MYT1L: variants seen among roughly 807,000 people sequenced by gnomAD.
The protein encoded by MYT1L is myelin transcription factor 1 like.
In MYT1L, 12 loss-of-function variants were observed where a neutral mutation model predicts 126.7. The observed-to-expected ratio is 0.09, with a 90% CI of 0.06 to 0.15. The LOEUF (loss-of-function observed/expected upper bound fraction) is 0.15, where lower values mean the gene tolerates loss of function less well. Ranked by LOEUF, MYT1L falls within the 10% of genes least tolerant of loss-of-function variation. The pLI is 1.00. For synonymous variants in MYT1L, 541 were observed against 604.2 expected, an observed-to-expected ratio of 0.90 and a Z score of 1.53; for missense variants, 979 against 1,585.2, an observed-to-expected ratio of 0.62 and a Z score of 6.49.
chr2:2,043,070 C>T (rs934826919), intron 4 of MYT1L, among the ~76,000 whole-genome samples: 8 of 152,162 alleles, frequency 5.3e-5, no homozygotes, highest in Non-Finnish European at 1.0e-4. Context: ...AAGCGACACC[C>T]TGATGTGGCC....
intron 3 of MYT1L, among the ~76,000 whole-genome samples, chr2:2,158,557 T>C (rs1396699957): frequency 2.0e-5 from 3 of 152,094 alleles, no homozygotes; most frequent in Non-Finnish European, 2.9e-5. Flanking sequence ...ATGCAATTCA[T>C]ATCGGCACAT....
chr2:2,163,506 A>G (rs1206750435), intron 3 of MYT1L, among the ~76,000 whole-genome samples: 2 of 151,838 alleles, frequency 1.3e-5, no homozygotes, highest in Non-Finnish European at 2.9e-5. Flanking sequence ...CGGGTGGATC[A>G]TGAGGTCAGG....
At chr2:2,043,825 T>C (rs983068486) in intron 4 of MYT1L, among the ~76,000 whole-genome samples, 16 of 152,370 alleles carry the variant, frequency 1.1e-4, no homozygotes, top group Middle Eastern at 3.4e-3. Context: ...TCTCAAATTG[T>C]TCATACCATG....
chr2:2,302,055 T>C (rs866980848), intron 1 of MYT1L, among the ~76,000 whole-genome samples: 3 of 152,106 alleles, frequency 2.0e-5, no homozygotes, highest in Non-Finnish European at 4.4e-5. Context: ...ATTCCAAAAT[T>C]GATATCCACA....
chr2:1,889,518 T>C lies in MYT1L; in HGVS notation c.2284-41A>G, dbSNP rs768710040. On this transcript the variant is annotated intron_variant, in intron 15 of 24. Coordinates refer to ENST00000647738, the MANE Select transcript of MYT1L (RefSeq NM_001303052.2). The surrounding 1 kb of genome is among the most constrained non-coding windows in gnomAD (Gnocchi z 4.1). Reference sequence around the variant, plus strand: ...CATAGTGACTGTGCTTGGCCCGGCATCTTGTGACACCACGAGTCCTTCCTC... The same window carrying C: ...CATAGTGACTGTGCTTGGCCCGGCACCTTGTGACACCACGAGTCCTTCCTC... The C allele has an allele frequency of 1.3e-6, 2 of 1,485,372 alleles. No homozygotes were observed. Among genetic ancestry groups the C allele is most frequent in the Admixed American group, 3.8e-5 (2 of 52,156 alleles). The allele number at this position is 1,485,372 out of a possible 1,614,324, so 92.0% of individuals were successfully genotyped here. A position where few individuals can be genotyped will look rare whatever the true frequency, so the allele number is the denominator to read the frequency against.
chr2:2,222,369 G>A lies in MYT1L; in HGVS notation c.-420-49381C>T, dbSNP rs918205255. On this transcript the variant is annotated intron_variant, in intron 2 of 24. Coordinates refer to ENST00000647738, the MANE Select transcript of MYT1L (RefSeq NM_001303052.2). ...TAGCCAGGTGTGGTGGAGGGCACCC[G>A]TGATCCCAGCTACTTGGGAGGCTGA... is the stretch of plus-strand genomic sequence containing the variant. 7.2e-5 allele frequency among the ~76,000 whole-genome samples: 11 copies of A among 151,940 alleles called. 1 individual carries two copies. In the South Asian group the frequency reaches 1.0e-3, roughly 14 times the overall value.
intron 14 of MYT1L, among the ~76,000 whole-genome samples, chr2:1,895,439 C>A (rs755747494): frequency 3.3e-5 from 5 of 152,230 alleles, no homozygotes; most frequent in Non-Finnish European, 7.3e-5. Flanking sequence ...AGAGGTTACA[C>A]TCTACCTGAC....
intron 1 of MYT1L, among the ~76,000 whole-genome samples, chr2:2,302,373 G>A (rs191519050): frequency 5.3e-4 from 80 of 152,302 alleles, no homozygotes; most frequent in African/African-American, 1.9e-3. Flanking sequence ...AGAAGTGATC[G>A]TATGATTTTG....
chr2:2,269,468 C>T (rs1035804967), intron 2 of MYT1L, among the ~76,000 whole-genome samples: 4 of 152,186 alleles, frequency 2.6e-5, no homozygotes, highest in Non-Finnish European at 5.9e-5. Flanking sequence ...CAGGAGGTAA[C>T]GGATGTGAGT....
chr2:1,959,913 G>T (rs770974068), intron 8 of MYT1L, among the ~76,000 whole-genome samples: 14 of 152,186 alleles, frequency 9.2e-5, no homozygotes, highest in South Asian at 6.2e-4. Context: ...GATAGAAGAA[G>T]ACCTAGTGCC....
intron 2 of MYT1L, among the ~76,000 whole-genome samples, chr2:2,269,319 A>C (rs2095211749): frequency 6.6e-6 from 1 of 152,190 alleles, no homozygotes; most frequent in Non-Finnish European, 1.5e-5. Context: ...TTCTCTGGAC[A>C]TGGTGGTTTA....
intron 2 of MYT1L, among the ~76,000 whole-genome samples, chr2:2,251,884 G>T (rs1389776317): frequency 1.4e-5 from 2 of 148,080 alleles, no homozygotes; most frequent in African/African-American, 5.0e-5. Flanking sequence ...GAGAAAGAAA[G>T]AAGAACGAAA....
At chr2:1,877,815 G>A (rs1231401689) in intron 18 of MYT1L, among the ~76,000 whole-genome samples, 1 of 138,966 alleles carries the variant, frequency 7.2e-6, no homozygotes. Context: ...AAAAATGCAT[G>A]ATAATGACAT....
At chr2:1,798,635 T>A (rs1367994224) in intron 23 of MYT1L, among the ~76,000 whole-genome samples, 1 of 152,040 alleles carries the variant, frequency 6.6e-6, no homozygotes, top group Non-Finnish European at 1.5e-5. Context: ...TGGGTCAGAG[T>A]GGACAAGAAA....
At chr2:2,325,359 G>A (rs893889957) in intron 1 of MYT1L, 2 of 152,136 alleles carry the variant, frequency 1.3e-5, no homozygotes, top group Non-Finnish European at 2.9e-5. Context: ...TTCTTGCATC[G>A]TTTTCTTTTA....
chr2:1,901,553 C>T (rs1477410526), intron 14 of MYT1L, among the ~76,000 whole-genome samples: 1 of 152,150 alleles, frequency 6.6e-6, no homozygotes, highest in East Asian at 1.9e-4. Context: ...CCAAGAAATA[C>T]TAAATTTCAT....
At chr2:1,990,758 C>T (rs2061393444) in intron 5 of MYT1L, among the ~76,000 whole-genome samples, 1 of 152,168 alleles carries the variant, frequency 6.6e-6, no homozygotes, top group African/African-American at 2.4e-5. Flanking sequence ...AGGACCAGCC[C>T]TGCCTTCTAA....
intron 4 of MYT1L, among the ~76,000 whole-genome samples, chr2:2,001,254 C>CT (rs1187430723): frequency 0.043 from 2,909 of 67,598 alleles, 49 homozygotes; most frequent in Non-Finnish European, 0.057. Context: ...TTTTTTTTTG[C>CT]TTTTTTTTTT....
chr2:1,882,763 G>A (rs558280383), intron 18 of MYT1L, among the ~76,000 whole-genome samples: 3 of 152,316 alleles, frequency 2.0e-5, no homozygotes, highest in Admixed American at 1.3e-4. Context: ...CTCCCTCCAG[G>A]AGAGCCTGGT....
Sources: gnomAD v4.1 joint callset for allele counts (sites outside exome capture counted in the v4.1 genomes callset) on GRCh38, gnomAD v4.1.1 for gene constraint, Gnocchi (gnomAD v3.1) non-coding constraint, MANE v1.5 for transcripts, NCBI Gene and HGNC (gene_info 2026-07-23, HGNC 2026-07-21) for gene names.